Variants in XPO6 observed in about 807,000 individuals in gnomAD.
XPO6 encodes the protein exportin 6.
A neutral mutation model predicts 130.0 loss-of-function variants in XPO6; 3 were observed. The ratio of observed to expected loss-of-function variants is 0.02; its 90% CI spans 0.01 to 0.06. XPO6 has a LOEUF of 0.06. XPO6 is among the 10% of genes least tolerant of loss of function. XPO6 has a pLI of 1.00. For synonymous variants in XPO6, 524 were observed against 548.9 expected, an observed-to-expected ratio of 0.95 and a Z score of 0.63; for missense variants, 970 against 1,393.0, an observed-to-expected ratio of 0.70 and a Z score of 4.83.
chr16:28,144,380 C>G (rs1199657655), intron 9 of XPO6, among the ~76,000 whole-genome samples: 1 of 152,190 alleles, frequency 6.6e-6, no homozygotes, highest in African/African-American at 2.4e-5. Flanking sequence ...TCAATAGAGA[C>G]AGAGTTCAGC....
intron 4 of XPO6, among the ~76,000 whole-genome samples, chr16:28,171,639 G>A (rs1271846469): frequency 3.9e-5 from 6 of 152,166 alleles, no homozygotes; most frequent in Admixed American, 6.5e-5. Context: ...CAGCAGCAAT[G>A]AATGATGTGT....
intron 17 of XPO6, 183 bp downstream of exon 17, chr16:28,111,623 GGTCTGGCTGCT>G: frequency 1.9e-6 from 1 of 539,670 alleles, no homozygotes; most frequent in Non-Finnish European, 3.2e-6. Context: ...TCTGGAAATA[GGTCTGGCTGCT>G]GTCTTAACTG....
In XPO6 at chr16:28,106,519, T is replaced by C. The variant is rs2086785897; in HGVS notation, c.2498-22A>G. Reference sequence around the variant, plus strand: ...ACATCTGAGGAAAGGGGCAGAGATATCGTCAGAGGCTTGCACACAGTGAGA... The same window carrying C: ...ACATCTGAGGAAAGGGGCAGAGATACCGTCAGAGGCTTGCACACAGTGAGA... On this transcript the variant is annotated intron_variant, in intron 18 of 23. Transcript: ENST00000304658. The surrounding 1 kb of genome is among the most constrained non-coding windows in gnomAD (Gnocchi z 4.2). 1 of 1,596,974 alleles carries C rather than the reference T, an allele frequency of 6.3e-7. No individual in the cohort carries two copies. Among genetic ancestry groups the C allele is most frequent in the South Asian group, 1.1e-5 (1 of 90,768 alleles).
chr16:28,141,894 A>G (rs1051410549), intron 9 of XPO6, among the ~76,000 whole-genome samples: 2 of 152,260 alleles, frequency 1.3e-5, no homozygotes, highest in African/African-American at 2.4e-5. Context: ...CAGGAGGCGG[A>G]GCTTGCAGCG....
intron 1 of XPO6, among the ~76,000 whole-genome samples, chr16:28,208,624 T>C (rs1306800089): frequency 6.6e-6 from 1 of 152,228 alleles, no homozygotes; most frequent in Non-Finnish European, 1.5e-5. Flanking sequence ...AAAATGCACA[T>C]GGAGTTCATG....
intron 8 of XPO6, among the ~76,000 whole-genome samples, chr16:28,147,407 A>G (rs892341685): frequency 1.1e-4 from 16 of 146,670 alleles, no homozygotes; most frequent in Non-Finnish European, 1.5e-5. Context: ...TATATTTTAG[A>G]AAAAAAATTA....
chr16:28,104,739 G>A (rs1439342811), intron 20 of XPO6, 32 bp from the exon 21 acceptor site: 2 of 1,610,570 alleles, frequency 1.2e-6, no homozygotes, highest in African/African-American at 2.7e-5. Flanking sequence ...CAGACCTGCA[G>A]CTTGCGGAGC....
At chr16:28,207,707 A>G (rs998140632) in intron 1 of XPO6, among the ~76,000 whole-genome samples, 7 of 152,168 alleles carry the variant, frequency 4.6e-5, no homozygotes, top group Non-Finnish European at 7.3e-5. Context: ...CAGGCTCCGG[A>G]GTACAGCACT....
chr16:28,133,725 A>T lies in XPO6; in HGVS notation c.1536+116T>A, dbSNP rs2042720076. ...CACTTATGGTAATTATTCTGTTTTT[A>T]AAAATTACATAGAGGGGAAAGAGGG... On this transcript the variant is annotated intron_variant, in intron 11 of 23. Transcript: ENST00000304658. 1.8e-5 allele frequency: 16 copies of T among 913,244 alleles called. No homozygotes were observed. In the South Asian group the frequency reaches 2.7e-4, roughly 16 times the overall value. The allele number at this position is 913,244 out of a possible 1,614,324, so 56.6% of individuals were successfully genotyped here.
intron 13 of XPO6, among the ~76,000 whole-genome samples, chr16:28,123,640 A>G (rs2087309942): frequency 6.6e-6 from 1 of 152,220 alleles, no homozygotes; most frequent in Non-Finnish European, 1.5e-5. Context: ...GTCAGTCAAG[A>G]AAGTGAGGGC....
At position 28,211,546 on chromosome 16, in the gene XPO6, G is replaced by C; in HGVS notation, c.-178C>G. The C allele has an allele frequency of 1.8e-6, 1 of 557,354 alleles. No homozygotes were observed. The highest frequency in any genetic ancestry group is 2.8e-6 in the Non-Finnish European group (1 of 358,588). 34.5% of individuals were successfully genotyped at this position (557,354 alleles called of 1,614,324 possible). On this transcript the variant is annotated 5_prime_UTR_variant, in exon 1 of 24. Coordinates refer to ENST00000304658, the MANE Select transcript of XPO6 (RefSeq NM_015171.4). ...TAAAAAGGGCAGGGCCGCCCGGGTC[G>C]CCTCATCGGGGGACCCCGAGACAAT...
intron 2 of XPO6, among the ~76,000 whole-genome samples, 161 bp from the exon 3 acceptor site, chr16:28,177,493 T>C (rs956582063): frequency 1.3e-5 from 2 of 152,324 alleles, no homozygotes; most frequent in South Asian, 2.1e-4. Context: ...TCATACAATA[T>C]TTTTCTGCGT....
chr16:28,135,173 C>A, intron 10 of XPO6, 43 bp downstream of exon 10: 1 of 1,539,234 alleles, frequency 6.5e-7, no homozygotes, highest in Non-Finnish European at 9.0e-7. Context: ...ATTGATGTCA[C>A]AACATGACAG....
intron 1 of XPO6, among the ~76,000 whole-genome samples, chr16:28,206,279 G>A (rs995246560): frequency 2.6e-5 from 4 of 151,802 alleles, no homozygotes; most frequent in Non-Finnish European, 4.4e-5. Flanking sequence ...GGTGGCTCGC[G>A]CCTGTGATCC....
chr16:28,100,824 A>G (rs2086641043), intron 23 of XPO6, among the ~76,000 whole-genome samples: 3 of 152,230 alleles, frequency 2.0e-5, no homozygotes, highest in Admixed American at 1.3e-4. Flanking sequence ...AGATGGCCTC[A>G]TGGACACCAA....
chr16:28,104,465 C>G, intron 21 of XPO6, 81 bp downstream of exon 21: 1 of 1,542,790 alleles, frequency 6.5e-7, no homozygotes, highest in Non-Finnish European at 8.8e-7. Flanking sequence ...AGACCCGAGA[C>G]TGTGGGGCTT....
chr16:28,205,646 T>C (rs530584059), intron 1 of XPO6, among the ~76,000 whole-genome samples: 27 of 152,164 alleles, frequency 1.8e-4, no homozygotes, highest in Non-Finnish European at 3.4e-4. Flanking sequence ...AATATTACCC[T>C]GGAAGTGTAA....
rs760407575 is a variant in XPO6 at position 28,156,257 on chromosome 16, C to T, written c.914G>A (p.Arg305His). 23 of 1,614,118 alleles carry T rather than the reference C, an allele frequency of 1.4e-5. No homozygotes were observed. The South Asian group carries it at 2.2e-4, about 15-fold the overall frequency. ...SSQNCVSGQE[R>H]GRLGVLAMSC... The stretch of plus-strand genomic sequence containing the variant: ...CATGGCCAGGACCCCCAGCCGGCCG[C>T]GCTCCTGACCCGAGACACAGTTCTG... Residue 305 changes from arginine to histidine, a missense_variant, in exon 7 of 24, where the codon CGC (arginine) becomes CAC (histidine). By Grantham distance (29) the Arg-to-His change is conservative (BLOSUM62 0). Coordinates refer to ENST00000304658, the MANE Select transcript of XPO6 (RefSeq NM_015171.4).
chr16:28,117,058 T>C (rs1468743484), intron 15 of XPO6: 1 of 404,214 alleles, frequency 2.5e-6, no homozygotes, highest in Non-Finnish European at 4.5e-6. Flanking sequence ...AACTTTTTAG[T>C]CTGGAAATCT....
Sources: allele counts gnomAD v4.1 joint callset (sites outside exome capture counted in the v4.1 genomes callset), GRCh38; gene constraint gnomAD v4.1.1; non-coding constraint Gnocchi (gnomAD v3.1); transcripts MANE v1.5; gene names NCBI Gene and HGNC (gene_info 2026-07-23, HGNC 2026-07-21).